MYRIP: variants seen among roughly 807,000 people sequenced by gnomAD.
MYRIP encodes rab effector MyRIP.
In MYRIP, 49 loss-of-function variants were observed where a neutral mutation model predicts 98.0. The observed-to-expected ratio is 0.50, with a 90% CI of 0.40 to 0.63. MYRIP has a LOEUF of 0.63. Ranked by LOEUF, MYRIP falls within the 30% of genes least tolerant of loss-of-function variation. The pLI, the probability that MYRIP is intolerant of heterozygous loss-of-function variation, is 0.00. For synonymous variants in MYRIP, 404 were observed against 409.5 expected, an observed-to-expected ratio of 0.99 and a Z score of 0.16; for missense variants, 1,004 against 1,058.2, an observed-to-expected ratio of 0.95 and a Z score of 0.71.
intron 3 of MYRIP, among the ~76,000 whole-genome samples, chr3:40,052,821 GAT>G (rs911294100): frequency 2.0e-5 from 3 of 152,156 alleles, no homozygotes; most frequent in Non-Finnish European, 4.4e-5. Context: ...GACACAATAT[GAT>G]AAATCCTTTA....
At chr3:39,888,083 C>T (rs1171748496) in intron 1 of MYRIP, among the ~76,000 whole-genome samples, 4 of 151,896 alleles carry the variant, frequency 2.6e-5, no homozygotes, top group African/African-American at 4.8e-5. Context: ...GAATCAATAT[C>T]GTGAAAATGG....
chr3:40,231,967 T>C (rs1346164414), intron 11 of MYRIP, among the ~76,000 whole-genome samples: 1 of 152,230 alleles, frequency 6.6e-6, no homozygotes, highest in African/African-American at 2.4e-5. Context: ...CAAAATTATT[T>C]TGAGCCCAAT....
intron 3 of MYRIP, among the ~76,000 whole-genome samples, chr3:40,090,782 C>T (rs1445444687): frequency 1.3e-5 from 2 of 152,150 alleles, no homozygotes; most frequent in Non-Finnish European, 2.9e-5. Context: ...CAGTAGTGTC[C>T]TACTTCTACT....
At chr3:39,929,498 T>TA (rs1944491994) in intron 2 of MYRIP, among the ~76,000 whole-genome samples, 1 of 152,106 alleles carries the variant, frequency 6.6e-6, no homozygotes, top group Non-Finnish European at 1.5e-5. Flanking sequence ...GCTACAGTAA[T>TA]CACAACTGTG....
chr3:40,008,794 G>A (rs959326166), intron 2 of MYRIP, among the ~76,000 whole-genome samples: 9 of 152,172 alleles, frequency 5.9e-5, no homozygotes, highest in South Asian at 2.1e-4. Context: ...GAAAGAACAC[G>A]AAGTCAAAAG....
At chr3:39,938,673 T>C (rs1337280563) in intron 2 of MYRIP, among the ~76,000 whole-genome samples, 1 of 152,148 alleles carries the variant, frequency 6.6e-6, no homozygotes, top group Non-Finnish European at 1.5e-5. Context: ...TTAAAAATAT[T>C]TTAGAACTTT....
chr3:40,132,305 C>T (rs1949661519), intron 3 of MYRIP, among the ~76,000 whole-genome samples: 1 of 152,184 alleles, frequency 6.6e-6, no homozygotes, highest in Non-Finnish European at 1.5e-5. Context: ...AAGCATGTCA[C>T]CCACCAGTTG....
At chr3:39,955,422 A>G (rs1298572383) in intron 2 of MYRIP, among the ~76,000 whole-genome samples, 1 of 152,190 alleles carries the variant, frequency 6.6e-6, no homozygotes, top group Non-Finnish European at 1.5e-5. Context: ...ATATCCAGCC[A>G]AACTAAGCTT....
At chr3:40,092,955 T>G (rs1948756574) in intron 3 of MYRIP, among the ~76,000 whole-genome samples, 1 of 152,132 alleles carries the variant, frequency 6.6e-6, no homozygotes, top group Non-Finnish European at 1.5e-5. Context: ...CATCACAGAT[T>G]TGTACTTAGT....
chr3:40,141,762 C>T lies in MYRIP; in HGVS notation c.333-9286C>T, dbSNP rs192546076. Among the ~76,000 whole-genome samples the T allele has an allele frequency of 1.1e-3, 162 of 152,218 alleles. 1 individual carries two copies. Among genetic ancestry groups the T allele is most frequent in the Middle Eastern group, 3.4e-3 (1 of 294 alleles). The stretch of plus-strand genomic sequence containing the variant: ...CAAAAATCAGTTAGCTGTAAATATG[C>T]GGCTTAATTTGGGGGTTTTCTACTC... On this transcript the variant is annotated intron_variant, in intron 3 of 16. Transcript: ENST00000302541.
At chr3:40,177,522 AC>A (rs1381442235) in intron 8 of MYRIP, among the ~76,000 whole-genome samples, 1 of 152,120 alleles carries the variant, frequency 6.6e-6, no homozygotes, top group Non-Finnish European at 1.5e-5. Context: ...TGACTGCAAA[AC>A]CCAAACTTAA....
chr3:40,211,151 C>G (rs1187452468), intron 11 of MYRIP, among the ~76,000 whole-genome samples: 1 of 152,234 alleles, frequency 6.6e-6, no homozygotes, highest in Non-Finnish European at 1.5e-5. Context: ...GGCTGCATCA[C>G]AAACCTGCTT....
intron 1 of MYRIP, among the ~76,000 whole-genome samples, chr3:39,854,862 C>T (rs1057229727): frequency 3.9e-5 from 6 of 152,162 alleles, no homozygotes; most frequent in African/African-American, 1.4e-4. Flanking sequence ...CCCCCTTCTC[C>T]TAGGGGTGGG....
At chr3:40,250,716 G>C (rs574479958) in intron 15 of MYRIP, among the ~76,000 whole-genome samples, 1 of 152,198 alleles carries the variant, frequency 6.6e-6, no homozygotes, top group Non-Finnish European at 1.5e-5. Context: ...TAGAGAAGAA[G>C]ATAAATGATT....
rs544865179 is a variant in MYRIP at position 39,985,538 on chromosome 3, C to T, written c.111-58512C>T. On this transcript the variant is annotated intron_variant, in intron 2 of 16. Coordinates refer to ENST00000302541, the MANE Select transcript of MYRIP (RefSeq NM_015460.4). ...CAAAAGAACAAAGCTGGAGGCATCA[C>T]GCTACCTGACTTCAAACTATACTAC... Among the ~76,000 whole-genome samples, 147 of 133,774 alleles carry T rather than the reference C, an allele frequency of 1.1e-3. 1 individual carries two copies. The South Asian group carries it at 0.036, about 32-fold the overall frequency. The allele number at this position is 133,774 out of a possible 152,430, so 87.8% of individuals were successfully genotyped here.
At chr3:39,821,484 T>C (rs1941101145) in intron 1 of MYRIP, among the ~76,000 whole-genome samples, 1 of 152,120 alleles carries the variant, frequency 6.6e-6, no homozygotes, top group Admixed American at 6.5e-5. Flanking sequence ...TTCTCATCTT[T>C]ATTATTTCTT....
intron 1 of MYRIP, among the ~76,000 whole-genome samples, chr3:39,864,255 C>T (rs755656783): frequency 6.6e-6 from 1 of 152,202 alleles, no homozygotes; most frequent in Admixed American, 6.5e-5. Flanking sequence ...CAAGGATGCC[C>T]TTTCTCATCA....
At chr3:40,043,969 G>A in intron 2 of MYRIP, 81 bp from the exon 3 acceptor site, 1 of 1,334,468 alleles carries the variant, frequency 7.5e-7, no homozygotes, top group South Asian at 1.4e-5. Flanking sequence ...GGAGGGACAG[G>A]GTGCATGCTT....
chr3:39,883,765 G>T (rs756205935), intron 1 of MYRIP, among the ~76,000 whole-genome samples: 5 of 151,874 alleles, frequency 3.3e-5, no homozygotes, highest in African/African-American at 4.8e-5. Context: ...ATCTAGGTCA[G>T]AAAAATATCC....
Sources: allele counts gnomAD v4.1 joint callset (sites outside exome capture counted in the v4.1 genomes callset), GRCh38; gene constraint gnomAD v4.1.1; transcripts MANE v1.5; gene names NCBI Gene and HGNC (gene_info 2026-07-23, HGNC 2026-07-21).